Variants in FIG4 observed in about 807,000 individuals in gnomAD.
The protein encoded by FIG4 is polyphosphoinositide phosphatase.
A neutral mutation model predicts 118.6 loss-of-function variants in FIG4; 112 were observed. The ratio of observed to expected loss-of-function variants is 0.94; its 90% CI spans 0.81 to 1.11. The LOEUF (loss-of-function observed/expected upper bound fraction) is 1.11. FIG4 is among the 50% of genes least tolerant of loss of function. The probability of loss-of-function intolerance (pLI) is 0.00; values close to 1 mark genes in which losing one functional copy is unlikely to be tolerated. For synonymous variants in FIG4, 369 were observed against 381.2 expected (o/e 0.97, Z 0.37); for missense variants, 969 against 1,111.7 (o/e 0.87, Z 1.83).
chr6:109,803,022 G>A (rs1231986196), intron 22 of FIG4, among the ~76,000 whole-genome samples: 3 of 152,198 alleles, frequency 2.0e-5, no homozygotes, highest in Non-Finnish European at 4.4e-5. Context: ...CCCTTCACAT[G>A]GGGAGATGGT....
intron 10 of FIG4, 38 bp downstream of exon 10, chr6:109,743,810 C>G (rs377722984): frequency 6.9e-7 from 1 of 1,456,412 alleles, no homozygotes; most frequent in Non-Finnish European, 9.6e-7. Context: ...GAGATTCAGA[C>G]GCTCTGGGAA....
At chr6:109,734,375 A>G (rs1258687884) in intron 5 of FIG4, among the ~76,000 whole-genome samples, 1 of 151,018 alleles carries the variant, frequency 6.6e-6, no homozygotes, top group Non-Finnish European at 1.5e-5. Context: ...CACTATACAT[A>G]TATATAGTAT....
At chr6:109,717,210 T>C (rs1054885472) in intron 3 of FIG4, among the ~76,000 whole-genome samples, 9 of 152,140 alleles carry the variant, frequency 5.9e-5, no homozygotes, top group Non-Finnish European at 8.8e-5. Context: ...CTGAACACAG[T>C]AGTCCATAGA....
chr6:109,746,978 G>A (rs895081185), intron 10 of FIG4, among the ~76,000 whole-genome samples: 2 of 152,062 alleles, frequency 1.3e-5, no homozygotes, highest in Non-Finnish European at 2.9e-5. Flanking sequence ...GCTTACTCAG[G>A]TGGGTGAATG....
chr6:109,777,821 G>A (rs1453867844), intron 16 of FIG4, among the ~76,000 whole-genome samples: 1 of 152,238 alleles, frequency 6.6e-6, no homozygotes, highest in Non-Finnish European at 1.5e-5. Context: ...TCTGTGGTGT[G>A]AGCCTCAGGA....
rs181243245 is a variant in FIG4 at position 109,757,325 on chromosome 6, T to C, written c.1138-2925T>C. The stretch of plus-strand genomic sequence containing the variant: ...GGCTGGTTCAACATATGCGAATCAA[T>C]AAACGTAATCCATCACATAACCAGA... On this transcript the variant is annotated intron_variant, in intron 10 of 22. Coordinates refer to ENST00000230124, the MANE Select transcript of FIG4 (RefSeq NM_014845.6). 1.1e-4 allele frequency among the ~76,000 whole-genome samples: 17 copies of C among 152,330 alleles called. No individual in the cohort carries two copies. The East Asian group carries it at 3.3e-3, about 29-fold the overall frequency.
At chr6:109,768,129 TGGTAACC>T (rs1362630525) in intron 15 of FIG4, among the ~76,000 whole-genome samples, 1 of 152,146 alleles carries the variant, frequency 6.6e-6, no homozygotes. Context: ...GAGTGTTGAC[TGGTAACC>T]GGATGTGGGC....
intron 10 of FIG4, among the ~76,000 whole-genome samples, chr6:109,752,649 G>C (rs1024941567): frequency 2.0e-5 from 3 of 152,146 alleles, no homozygotes; most frequent in Non-Finnish European, 4.4e-5. Context: ...TTTGAGAAGT[G>C]TCTGTTCATA....
intron 3 of FIG4, among the ~76,000 whole-genome samples, chr6:109,720,851 A>G (rs1056795818): frequency 5.3e-5 from 8 of 152,182 alleles, no homozygotes; most frequent in African/African-American, 1.9e-4. Flanking sequence ...TGCCTGGCCA[A>G]TTCCTGATCT....
intron 22 of FIG4, among the ~76,000 whole-genome samples, chr6:109,810,019 A>G (rs1274417049): frequency 2.0e-5 from 3 of 152,136 alleles, no homozygotes; most frequent in Non-Finnish European, 4.4e-5. Context: ...CAGACACAGT[A>G]GTGCCCAGGG....
chr6:109,736,789 C>T (rs945683851), intron 6 of FIG4, among the ~76,000 whole-genome samples: 4 of 152,118 alleles, frequency 2.6e-5, no homozygotes, highest in Admixed American at 1.3e-4. Flanking sequence ...AATGTATCAT[C>T]TTACAGAAGT....
At chr6:109,782,867 AC>A (rs1777846112) in intron 16 of FIG4, among the ~76,000 whole-genome samples, 1 of 152,210 alleles carries the variant, frequency 6.6e-6, no homozygotes, top group Non-Finnish European at 1.5e-5. Flanking sequence ...GTCACTTACA[AC>A]ACATCTCGAT....
chr6:109,812,665 T>G (rs894250225), intron 22 of FIG4, among the ~76,000 whole-genome samples: 1 of 152,184 alleles, frequency 6.6e-6, no homozygotes, highest in African/African-American at 2.4e-5. Flanking sequence ...TGAGAGTGTT[T>G]CTGTGGGTGG....
At chr6:109,698,413 G>A (rs1774800980) in intron 1 of FIG4, among the ~76,000 whole-genome samples, 2 of 152,172 alleles carry the variant, frequency 1.3e-5, no homozygotes, top group Non-Finnish European at 2.9e-5. Flanking sequence ...CATGGAATCT[G>A]TAGACCAATT....
chr6:109,697,178 C>T (rs905473408), intron 1 of FIG4, among the ~76,000 whole-genome samples: 31 of 149,000 alleles, frequency 2.1e-4, no homozygotes, highest in Non-Finnish European at 4.1e-4. Flanking sequence ...AGGAGAATGG[C>T]GTGAACCTGG....
At chr6:109,762,055 G>A (rs1777123824) in intron 11 of FIG4, 36 bp from the exon 12 acceptor site, 2 of 1,186,666 alleles carry the variant, frequency 1.7e-6, no homozygotes, top group African/African-American at 1.5e-5. Context: ...TTAAAACTTG[G>A]CTTCTCACTT....
At chr6:109,779,845 T>G (rs1250150274) in intron 16 of FIG4, among the ~76,000 whole-genome samples, 1 of 152,088 alleles carries the variant, frequency 6.6e-6, no homozygotes, top group African/African-American at 2.4e-5. Context: ...TAGAGCTGAG[T>G]TGGAATTTCT....
At chr6:109,805,627 A>G (rs766527456) in intron 22 of FIG4, among the ~76,000 whole-genome samples, 16 of 152,152 alleles carry the variant, frequency 1.1e-4, no homozygotes, top group Non-Finnish European at 2.2e-4. Flanking sequence ...TAAATCCTGA[A>G]ATGTCTGAAT....
intron 1 of FIG4, among the ~76,000 whole-genome samples, chr6:109,710,990 G>A (rs1035166727): frequency 6.6e-6 from 1 of 151,850 alleles, no homozygotes; most frequent in Non-Finnish European, 1.5e-5. Flanking sequence ...CAGCTCTGAT[G>A]TTGAGTATCC....
Sources: gnomAD v4.1 joint callset for allele counts (sites outside exome capture counted in the v4.1 genomes callset) on GRCh38, gnomAD v4.1.1 for gene constraint, MANE v1.5 for transcripts, NCBI Gene and HGNC (gene_info 2026-07-23, HGNC 2026-07-21) for gene names.